HMCN2: variants seen among roughly 807,000 people sequenced by gnomAD.
HMCN2 encodes the protein hemicentin 2, also known as hemicentin-2.
Under a neutral mutation model 377.5 loss-of-function variants are expected in HMCN2, and 325 were observed. The ratio of observed to expected loss-of-function variants is 0.86; its 90% CI spans 0.79 to 0.94. The LOEUF (loss-of-function observed/expected upper bound fraction) is 0.94, where lower values mean the gene tolerates loss of function less well. Ranked by LOEUF, HMCN2 falls within the 40% of genes least tolerant of loss-of-function variation. The pLI, the probability that HMCN2 is intolerant of heterozygous loss-of-function variation, is 0.00. For synonymous variants in HMCN2, 2,007 were observed against 2,046.8 expected (o/e 0.98, Z 0.53); for missense variants, 4,543 against 4,725.3 (o/e 0.96, Z 1.13).
At chr9:130,326,408 CTA>C (rs1156500916) in intron 21 of HMCN2, among the ~76,000 whole-genome samples, 139 of 152,256 alleles carry the variant, frequency 9.1e-4, no homozygotes, top group African/African-American at 3.2e-3. Context: ...TTTGGTACCA[CTA>C]TTGCCAAAGG....
Position 130,429,688 on chromosome 9 carries a change from A to T in HMCN2, c.14326+3A>T, listed in dbSNP as rs1371666173. On this transcript the variant is annotated splice_donor_region_variant and intron_variant, in intron 94 of 97. Transcript: ENST00000683500. ...GGGCCCCAGCCTGCCCTGCCTAGGT[A>T]CGGGGACACCCACCCTCTGGCCACA... 21 of 1,343,778 alleles carry T rather than the reference A, an allele frequency of 1.6e-5. No homozygotes were observed. The highest frequency in any genetic ancestry group is 2.1e-5 in the Non-Finnish European group (21 of 1,004,554). 83.2% of individuals were successfully genotyped at this position (1,343,778 alleles called of 1,614,324 possible).
chr9:130,343,832 C>T (rs1047083865), intron 25 of HMCN2, among the ~76,000 whole-genome samples: 3 of 152,198 alleles, frequency 2.0e-5, no homozygotes, highest in Admixed American at 2.0e-4. Flanking sequence ...GCCTTGGGCT[C>T]GGAGCGCTCT....
intron 66 of HMCN2, among the ~76,000 whole-genome samples, chr9:130,392,600 T>C (rs865993339): frequency 6.6e-6 from 1 of 151,976 alleles, no homozygotes; most frequent in South Asian, 2.1e-4. Flanking sequence ...CTTCCCGAAT[T>C]TGGGAGGCAG....
intron 1 of HMCN2, among the ~76,000 whole-genome samples, chr9:130,272,543 T>TTCG (rs1834460110): frequency 6.6e-6 from 1 of 151,436 alleles, no homozygotes; most frequent in African/African-American, 2.4e-5. Flanking sequence ...GCCTGGCCTC[T>TTCG]TCTTCTTCTT....
intron 15 of HMCN2, among the ~76,000 whole-genome samples, chr9:130,315,637 T>C (rs1837527773): frequency 1.3e-5 from 2 of 151,402 alleles, no homozygotes; most frequent in African/African-American, 4.9e-5. Flanking sequence ...AGTATCCTGG[T>C]CAGCTCAGGT....
At chr9:130,392,503 G>A (rs1842369366) in intron 66 of HMCN2, among the ~76,000 whole-genome samples, 1 of 152,200 alleles carries the variant, frequency 6.6e-6, no homozygotes, top group South Asian at 2.1e-4. Context: ...AGTGAAGCCA[G>A]TGAGCTGAGA....
At position 130,303,838 on chromosome 9, in the gene HMCN2, C is replaced by T. The variant is rs886777630; in HGVS notation, c.1543+230C>T. Among the ~76,000 whole-genome samples the T allele has an allele frequency of 1.3e-5, 2 of 152,162 alleles. No homozygotes were observed. Among genetic ancestry groups the T allele is most frequent in the Non-Finnish European group, 2.9e-5 (2 of 68,036 alleles). On this transcript the variant is annotated intron_variant, in intron 10 of 97. Transcript: ENST00000683500. The surrounding 1 kb of genome is among the most constrained non-coding windows in gnomAD (Gnocchi z 5.2). Reference sequence around the variant, plus strand: ...AGGCTGAGGACCTGGCTTGGGTCTTCCTGCCCTGCCCAGCTTTGATCCCAA... The same window carrying T: ...AGGCTGAGGACCTGGCTTGGGTCTTTCTGCCCTGCCCAGCTTTGATCCCAA...
chr9:130,315,027 C>A (rs1837456137), intron 15 of HMCN2, among the ~76,000 whole-genome samples: 1 of 151,730 alleles, frequency 6.6e-6, no homozygotes, highest in African/African-American at 2.4e-5. Context: ...CTTGGAAAAT[C>A]CCTGGGAGGG....
chr9:130,312,574 T>TTCTTTCTC (rs1554939381), intron 15 of HMCN2, among the ~76,000 whole-genome samples: 4 of 83,524 alleles, frequency 4.8e-5, no homozygotes, highest in Admixed American at 1.4e-4. Flanking sequence ...CTTTCTTTCT[T>TTCTTTCTC]TCTTTCTTTC....
chr9:130,392,819 A>G (rs147201655), intron 66 of HMCN2, among the ~76,000 whole-genome samples: 12,809 of 151,838 alleles, frequency 0.084, 568 homozygotes, highest in Non-Finnish European at 0.091. Flanking sequence ...ACACGGTGAA[A>G]CCCCGTCTCT....
At position 130,418,378 on chromosome 9, in the gene HMCN2, T is replaced by G. The variant is rs140108360; in HGVS notation, c.12962-394T>G. ...GAGTTCAAGACCAACCTGGCCAATA[T>G]GACGAAACCCCATCTCTACTAAAAA... On this transcript the variant is annotated intron_variant, in intron 85 of 97. Transcript: ENST00000683500. 6.9e-3 allele frequency among the ~76,000 whole-genome samples: 1,043 copies of G among 152,194 alleles called. 7 individuals are homozygous for G. Among genetic ancestry groups the G allele is most frequent in the Non-Finnish European group, 0.011 (735 of 68,014 alleles).
chr9:130,313,216 C>T (rs1837359396), intron 15 of HMCN2, among the ~76,000 whole-genome samples: 6 of 151,810 alleles, frequency 4.0e-5, no homozygotes. Flanking sequence ...GTCCAGCCTT[C>T]CTGGCCAGAC....
At chr9:130,354,520 G>A (rs1245732956) in intron 31 of HMCN2, among the ~76,000 whole-genome samples, 1 of 152,222 alleles carries the variant, frequency 6.6e-6, no homozygotes, top group East Asian at 1.9e-4. Context: ...GCTTGCCGGG[G>A]TAGCAGCGGG....
intron 46 of HMCN2, among the ~76,000 whole-genome samples, chr9:130,372,033 G>A (rs1290527494): frequency 6.6e-6 from 1 of 152,224 alleles, no homozygotes; most frequent in East Asian, 1.9e-4. Flanking sequence ...CCCAGAGCCA[G>A]GGGTGGCCAG....
At chr9:130,406,978 CGG>C in intron 82 of HMCN2, 1 of 153,072 alleles carries the variant, frequency 6.5e-6, no homozygotes, top group Non-Finnish European at 1.5e-5. Context: ...CGGCTGGGCG[CGG>C]TGGCTCACGC....
In HMCN2 at chr9:130,280,905, A is replaced by T. The variant is rs374169471; in HGVS notation, c.260-3698A>T. ...CGGATCATGAGGTCAGGAGATCGAG[A>T]CCATCCTGGCCAACATGGTGAAACT... On this transcript the variant is annotated intron_variant, in intron 1 of 97. Coordinates refer to ENST00000683500, the MANE Select transcript of HMCN2 (RefSeq NM_001291815.2). Among the ~76,000 whole-genome samples the T allele has an allele frequency of 6.2e-4, 94 of 152,136 alleles. 1 individual carries two copies. The South Asian group carries it at 0.015, about 25-fold the overall frequency.
intron 97 of HMCN2, 21 bp downstream of exon 97, chr9:130,432,576 G>C: frequency 6.5e-7 from 1 of 1,547,784 alleles, no homozygotes. Context: ...AGTTGGCAGG[G>C]CCTCGTGCCC....
chr9:130,335,042 C>CCCAGA (rs1382321863), intron 22 of HMCN2, among the ~76,000 whole-genome samples: 1 of 152,060 alleles, frequency 6.6e-6, no homozygotes, highest in African/African-American at 2.4e-5. Flanking sequence ...CCTTGTGTTA[C>CCCAGA]CCAGACTGTG....
rs755551487 is a variant in HMCN2, at chr9:130,403,861, G to A, written c.12134G>A (p.Arg4045Gln). 1.1e-5 allele frequency: 14 copies of A among 1,289,316 alleles called. No homozygotes were observed. The highest frequency in any genetic ancestry group is 7.6e-5 in the African/African-American group (5 of 65,848). 79.9% of individuals were successfully genotyped at this position (1,289,316 alleles called of 1,614,324 possible). ...GCGGGCAGTGCCATGGGGAAGACGC[G>A]GCTGGTGGTGCAAGGTGGGAGTGAG... ...NSAGSAMGKT[R>Q]LVVQVPPVIE... The change falls in exon 80 of 98, where the codon CGG (arginine) becomes CAG (glutamine). Residue 4045 changes from arginine to glutamine, a missense_variant. By Grantham distance (43) the Arg-to-Gln change is conservative. This residue lies in a region of HMCN2 where 1,073 missense variants were observed against 1,319.5 expected (regional missense o/e 0.81). Transcript: ENST00000683500.
Sources: allele counts gnomAD v4.1 joint callset (sites outside exome capture counted in the v4.1 genomes callset), GRCh38; gene constraint gnomAD v4.1.1; regional missense constraint gnomAD v4.1.1; non-coding constraint Gnocchi (gnomAD v3.1); transcripts MANE v1.5; gene names NCBI Gene and HGNC (gene_info 2026-07-23, HGNC 2026-07-21).